Variants in RAPGEF6 observed in about 807,000 individuals in gnomAD.
RAPGEF6 encodes the protein PDZ domain containing guanine nucleotide exchange factor (GEF) 2.
Under a neutral mutation model 171.4 loss-of-function variants are expected in RAPGEF6, and 56 were observed. That is an observed-to-expected ratio of 0.33 (90% CI 0.26 to 0.41). RAPGEF6 has a LOEUF of 0.41. Among genes scored for constraint, RAPGEF6 ranks in the 10% least tolerant of loss-of-function variants. The probability of loss-of-function intolerance (pLI) is 1.00; values close to 1 mark genes in which losing one functional copy is unlikely to be tolerated. For missense variants in RAPGEF6, 1,674 were observed against 1,921.4 expected (o/e 0.87, Z 2.41); for synonymous variants, 692 against 650.1 (o/e 1.06, Z -0.98).
intron 1 of RAPGEF6, among the ~76,000 whole-genome samples, chr5:131,615,434 T>G (rs754754056): frequency 2.2e-4 from 34 of 152,162 alleles, no homozygotes; most frequent in Admixed American, 1.2e-3. Flanking sequence ...AAGCTTGAGG[T>G]ACTATATTAT....
At chr5:131,555,020 T>C (rs1235209892) in intron 5 of RAPGEF6, among the ~76,000 whole-genome samples, 2 of 152,044 alleles carry the variant, frequency 1.3e-5, no homozygotes, top group Non-Finnish European at 2.9e-5. Context: ...GCAATCACAA[T>C]GAATACAAAT....
At chr5:131,612,522 T>C (rs1764994181) in intron 1 of RAPGEF6, among the ~76,000 whole-genome samples, 1 of 152,210 alleles carries the variant, frequency 6.6e-6, no homozygotes, top group African/African-American at 2.4e-5. Context: ...AGTCAAGGAA[T>C]GTCTGTACTA....
intron 23 of RAPGEF6, among the ~76,000 whole-genome samples, 156 bp from the exon 24 acceptor site, chr5:131,439,871 T>C (rs1752264742): frequency 6.6e-6 from 1 of 152,222 alleles, no homozygotes; most frequent in South Asian, 2.1e-4. Flanking sequence ...GACTGGGTAA[T>C]GGCATACAGA....
chr5:131,572,080 G>C (rs527631697), intron 4 of RAPGEF6, among the ~76,000 whole-genome samples: 18 of 152,224 alleles, frequency 1.2e-4, no homozygotes, highest in African/African-American at 3.6e-4. Context: ...CTTGGACTCA[G>C]CCCACTTGAA....
intron 5 of RAPGEF6, among the ~76,000 whole-genome samples, chr5:131,557,433 A>T (rs1761307403): frequency 6.6e-6 from 1 of 152,202 alleles, no homozygotes; most frequent in Non-Finnish European, 1.5e-5. Context: ...GTATCCAACG[A>T]CCTTGTTGAA....
chr5:131,527,501 T>C (rs1039188339), intron 6 of RAPGEF6, among the ~76,000 whole-genome samples: 2 of 152,124 alleles, frequency 1.3e-5, no homozygotes, highest in Non-Finnish European at 2.9e-5. Flanking sequence ...TGGACAACAA[T>C]TTGAGGAGTA....
At position 131,548,078 on chromosome 5, in the gene RAPGEF6, G is replaced by A. The variant is rs751267950; in HGVS notation, c.464C>T (p.Thr155Ile). 2 of 1,613,906 alleles carry A rather than the reference G, an allele frequency of 1.2e-6. No individual in the cohort carries two copies. The highest frequency in any genetic ancestry group is 1.7e-6 in the Non-Finnish European group (2 of 1,179,932). The change falls in exon 6 of 28, where the codon ACT (threonine) becomes ATT (isoleucine). Residue 155 changes from threonine (T) to isoleucine (I), a missense_variant. Physicochemically the swap from Thr to Ile is moderately conservative, Grantham distance 89. Coordinates refer to ENST00000509018, the MANE Select transcript of RAPGEF6 (RefSeq NM_016340.6). Reference sequence around the variant, plus strand: ...ATAGCTGTTAACCTCCACATCATCAGTAATGGTTTGGCGCTCTCCTTTATA... The same window carrying A: ...ATAGCTGTTAACCTCCACATCATCAATAATGGTTTGGCGCTCTCCTTTATA... Reference protein sequence around the residue: ...INYKGERQTITDDVEVNSYLS... With the variant: ...INYKGERQTIIDDVEVNSYLS...
intron 7 of RAPGEF6, among the ~76,000 whole-genome samples, chr5:131,520,262 C>T (rs928011279): frequency 1.3e-5 from 2 of 152,042 alleles, no homozygotes; most frequent in African/African-American, 2.4e-5. Flanking sequence ...AGCCACTAGC[C>T]GTATGTGGTT....
chr5:131,554,773 T>C (rs1761127520), intron 5 of RAPGEF6, among the ~76,000 whole-genome samples: 1 of 152,130 alleles, frequency 6.6e-6, no homozygotes, highest in Admixed American at 6.6e-5. Flanking sequence ...CGCCTTGGCC[T>C]CCCGAAGTGC....
chr5:131,523,537 A>T (rs1446519119), intron 6 of RAPGEF6, among the ~76,000 whole-genome samples: 1 of 152,066 alleles, frequency 6.6e-6, no homozygotes, highest in Non-Finnish European at 1.5e-5. Context: ...GATTTGACAG[A>T]GCTAAGAAGA....
chr5:131,432,388 G>A (rs910508042), intron 25 of RAPGEF6, among the ~76,000 whole-genome samples: 3 of 152,154 alleles, frequency 2.0e-5, no homozygotes, highest in Non-Finnish European at 2.9e-5. Flanking sequence ...GGAGGCCGAG[G>A]CGGGCGGATC....
chr5:131,603,187 C>A, intron 3 of RAPGEF6, 84 bp downstream of exon 3: 2 of 1,014,038 alleles, frequency 2.0e-6, no homozygotes, highest in South Asian at 1.5e-5. Flanking sequence ...CATAAATTGT[C>A]CCAGAATCAA....
chr5:131,425,227 CT>C lies in RAPGEF6; in HGVS notation c.*2038del, dbSNP rs2149801269. The C allele has an allele frequency of 6.6e-6, 1 of 152,414 alleles. No homozygotes were observed. Among genetic ancestry groups the C allele is most frequent in the African/African-American group, 2.4e-5 (1 of 41,550 alleles). The allele number at this position is 152,414 out of a possible 1,614,324, so 9.4% of individuals were successfully genotyped here. On this transcript the variant is annotated 3_prime_UTR_variant, in exon 28 of 28. Transcript: ENST00000509018. ...CTATTAAGGACAAAGACAGGTAAGGCTTCCATTTGGTTTGAAAGACCTGCTA... is the reference window on the plus strand; with the variant it reads ...CTATTAAGGACAAAGACAGGTAAGGCTCCATTTGGTTTGAAAGACCTGCTA...
chr5:131,474,222 T>G (rs1416756192), intron 16 of RAPGEF6, among the ~76,000 whole-genome samples: 1 of 152,210 alleles, frequency 6.6e-6, no homozygotes, highest in Admixed American at 6.5e-5. Flanking sequence ...CCCAGCACTT[T>G]GGGTGGCAGA....
At chr5:131,524,168 A>G (rs1460133697) in intron 6 of RAPGEF6, among the ~76,000 whole-genome samples, 1 of 152,204 alleles carries the variant, frequency 6.6e-6, no homozygotes, top group Non-Finnish European at 1.5e-5. Context: ...TCCAGATGGA[A>G]GCTTTCAGGA....
intron 25 of RAPGEF6, among the ~76,000 whole-genome samples, chr5:131,432,693 TCTATGG>T (rs201331502): frequency 0.01 from 1,592 of 152,208 alleles, 79 homozygotes; most frequent in East Asian, 0.04. Context: ...TTATGTGTTG[TCTATGG>T]CTATTCTGGT....
chr5:131,566,211 T>C (rs909942132), intron 4 of RAPGEF6, among the ~76,000 whole-genome samples: 2 of 151,886 alleles, frequency 1.3e-5, no homozygotes, highest in African/African-American at 4.8e-5. Context: ...TAAAATATAA[T>C]AATAAAATTT....
At chr5:131,464,447 T>C (rs909751977) in intron 17 of RAPGEF6, 166 bp from the exon 18 acceptor site, 42 of 550,940 alleles carry the variant, frequency 7.6e-5, no homozygotes, top group African/African-American at 7.3e-4. Context: ...ATATATCCTT[T>C]TTTTTTTTTC....
chr5:131,549,901 T>C (rs192222986), intron 5 of RAPGEF6, among the ~76,000 whole-genome samples: 3 of 152,244 alleles, frequency 2.0e-5, no homozygotes, highest in Admixed American at 2.0e-4. Context: ...CAGTGTGTGT[T>C]GTTCCCCTCT....
Sources: allele counts gnomAD v4.1 joint callset (sites outside exome capture counted in the v4.1 genomes callset), GRCh38; gene constraint gnomAD v4.1.1; transcripts MANE v1.5; gene names NCBI Gene and HGNC (gene_info 2026-07-23, HGNC 2026-07-21).